The following TNNI3K variants were observed in gnomAD, a reference collection of about 807,000 sequenced individuals.
TNNI3K encodes the protein TNNI3 interacting kinase.
Under a neutral mutation model 114.5 loss-of-function variants are expected in TNNI3K, and 140 were observed. That is an observed-to-expected ratio of 1.22 (90% confidence interval 1.07 to 1.41). The LOEUF is 1.41. Among genes scored for constraint, TNNI3K ranks in the 40% most tolerant of loss-of-function variants. The probability of loss-of-function intolerance (pLI) is 0.00; values close to 1 mark genes in which losing one functional copy is unlikely to be tolerated. For missense variants in TNNI3K, 1,125 were observed against 1,007.6 expected (o/e 1.12, Z -1.58); for synonymous variants, 347 against 347.5 (o/e 1.00, Z 0.02).
chr1:74,421,523 T>C (rs569806659), intron 17 of TNNI3K, among the ~76,000 whole-genome samples: 1 of 152,264 alleles, frequency 6.6e-6, no homozygotes, highest in South Asian at 2.1e-4. Flanking sequence ...TATTTATTGG[T>C]AGAGCTGTGG....
chr1:74,425,687 A>T (rs770150787), intron 17 of TNNI3K, among the ~76,000 whole-genome samples: 1 of 152,132 alleles, frequency 6.6e-6, no homozygotes, highest in Non-Finnish European at 1.5e-5. Context: ...GAAAGCCGGG[A>T]TGAGAAGAAA....
chr1:74,517,871 T>A (rs1230593205), intron 23 of TNNI3K, among the ~76,000 whole-genome samples: 1 of 152,140 alleles, frequency 6.6e-6, no homozygotes, highest in Non-Finnish European at 1.5e-5. Context: ...GCAGGTCTGA[T>A]GTAGAGTGAA....
intron 21 of TNNI3K, among the ~76,000 whole-genome samples, chr1:74,474,857 C>T (rs1668112034): frequency 6.6e-6 from 1 of 151,954 alleles, no homozygotes; most frequent in Non-Finnish European, 1.5e-5. Flanking sequence ...GAATCACTAG[C>T]ATTAGAGGGC....
chr1:74,350,554 T>G (rs576860856), intron 9 of TNNI3K, among the ~76,000 whole-genome samples: 1 of 152,270 alleles, frequency 6.6e-6, no homozygotes, highest in South Asian at 2.1e-4. Context: ...ATCTGTCTAA[T>G]GTTGAGTGGG....
chr1:74,252,751 G>A (rs1346732135), intron 4 of TNNI3K, among the ~76,000 whole-genome samples: 4 of 152,038 alleles, frequency 2.6e-5, no homozygotes, highest in Non-Finnish European at 2.9e-5. Context: ...TCGTGGTCTC[G>A]CTGGCTTCAG....
chr1:74,293,781 T>C (rs1327995321), intron 5 of TNNI3K, among the ~76,000 whole-genome samples: 2 of 151,746 alleles, frequency 1.3e-5, no homozygotes, highest in Non-Finnish European at 3.0e-5. Context: ...AAATTATATT[T>C]CAGCATTAGC....
intron 17 of TNNI3K, chr1:74,416,457 T>C (rs1570593914): frequency 1.5e-5 from 14 of 965,266 alleles, no homozygotes; most frequent in Non-Finnish European, 1.6e-5. Context: ...CTAGAAGTTA[T>C]TGGAGTAGAT....
rs369722068 is a variant in TNNI3K at position 74,540,295 on chromosome 1, A to C, written c.2413A>C (p.Thr805Pro). Residue 805 changes from threonine (T) to proline (P), a missense_variant, in exon 24 of 25, where the codon ACA becomes CCA. Coordinates refer to ENST00000326637, the MANE Select transcript of TNNI3K (RefSeq NM_015978.3). Reference protein sequence around the residue: ...LEEMKRSLQYTPIDKYGYVSD... With the variant: ...LEEMKRSLQYPPIDKYGYVSD... ...GGAGATGAAAAGAAGTCTTCAATAC[A>C]CACCCATTGACAAATATGGTAAGTA... 1 of 1,611,884 alleles carries C rather than the reference A, an allele frequency of 6.2e-7. No homozygotes were observed. Among genetic ancestry groups the C allele is most frequent in the Non-Finnish European group, 8.5e-7 (1 of 1,178,748 alleles).
Position 74,249,475 on chromosome 1 carries a change from A to T in TNNI3K, c.166A>T (p.Ser56Cys), listed in dbSNP as rs201179498. ...TTTTTTCAGCTCTGATGAAGCCTTC[A>T]GTAAAGTCAATTTAAATTACCGCAC... ...RNIFGSDEAFSKVNLNYRTEN... is the reference protein window; with the variant it reads ...RNIFGSDEAFCKVNLNYRTEN... The change falls in exon 3 of 25, where the codon AGT becomes TGT. Residue 56 changes from serine to cysteine, a missense_variant. Ser to Cys is a moderately radical substitution (Grantham distance 112). Coordinates refer to ENST00000326637, the MANE Select transcript of TNNI3K (RefSeq NM_015978.3). The T allele has an allele frequency of 8.1e-6, 13 of 1,613,436 alleles. No homozygotes were observed. Among genetic ancestry groups the T allele is most frequent in the African/African-American group, 5.3e-5 (4 of 74,884 alleles).
At chr1:74,375,798 T>G (rs1662875634) in intron 17 of TNNI3K, 1 of 334,696 alleles carries the variant, frequency 3.0e-6, no homozygotes, top group Non-Finnish European at 6.1e-6. Context: ...AATAACACTC[T>G]TCTCTCCTGT....
chr1:74,374,140 A>G (rs1662753812), intron 17 of TNNI3K: 1 of 151,926 alleles, frequency 6.6e-6, no homozygotes, highest in Non-Finnish European at 1.5e-5. Context: ...CATCTTCAGT[A>G]CAGACACAAT....
chr1:74,534,090 C>T (rs1238469257), intron 23 of TNNI3K, among the ~76,000 whole-genome samples: 1 of 152,086 alleles, frequency 6.6e-6, no homozygotes, highest in Non-Finnish European at 1.5e-5. Flanking sequence ...ACAAGCTAAT[C>T]GATAGAAAAG....
At chr1:74,543,825 C>A in intron 24 of TNNI3K, 81 bp from the exon 25 acceptor site, 1 of 1,538,532 alleles carries the variant, frequency 6.5e-7, no homozygotes, top group Non-Finnish European at 8.9e-7. Flanking sequence ...GGAAGACCTG[C>A]CTGGTTCAGG....
At chr1:74,531,076 A>G (rs1646576375) in intron 23 of TNNI3K, among the ~76,000 whole-genome samples, 1 of 152,230 alleles carries the variant, frequency 6.6e-6, no homozygotes, top group Non-Finnish European at 1.5e-5. Context: ...AAGCAGAACC[A>G]TGACCTGGTT....
intron 17 of TNNI3K, among the ~76,000 whole-genome samples, chr1:74,427,935 G>C (rs1056467213): frequency 5.4e-5 from 8 of 149,044 alleles, no homozygotes; most frequent in Non-Finnish European, 1.2e-4. Context: ...TAAGTGAAGA[G>C]TATGAGGTTT....
At chr1:74,491,019 G>A (rs1669043645) in intron 22 of TNNI3K, among the ~76,000 whole-genome samples, 1 of 152,176 alleles carries the variant, frequency 6.6e-6, no homozygotes, top group South Asian at 2.1e-4. Context: ...GATATGATTA[G>A]TCTTGTTCTG....
rs1662473794 is a variant in TNNI3K, at chr1:74,369,439, C to T, written c.1521C>T (p.Cys507=). 7 of 1,612,014 alleles carry T rather than the reference C, an allele frequency of 4.3e-6. No individual in the cohort carries two copies. The East Asian group carries it at 1.6e-4, about 36-fold the overall frequency. Residue 507 remains cysteine, a synonymous_variant, in exon 16 of 25, where the codon TGC becomes TGT. Coordinates refer to ENST00000326637, the MANE Select transcript of TNNI3K (RefSeq NM_015978.3). ...CCAAGTCAGATGTGGATATGTTTTG[C>T]CGAGAGGTGTCCATTCTCTGCCAGC... is the stretch of plus-strand genomic sequence containing the variant. ...YCSKSDVDMF[C]REVSILCQLN... is the part of the protein sequence containing the mutation.
intron 23 of TNNI3K, among the ~76,000 whole-genome samples, chr1:74,512,825 A>C (rs1670294848): frequency 6.6e-6 from 1 of 152,132 alleles, no homozygotes; most frequent in South Asian, 2.1e-4. Context: ...TATTCTTCAA[A>C]ATGGGCACCC....
chr1:74,332,672 TTAA>T (rs1660268148), intron 6 of TNNI3K, among the ~76,000 whole-genome samples: 1 of 152,092 alleles, frequency 6.6e-6, no homozygotes, highest in Admixed American at 6.6e-5. Flanking sequence ...TCATGCGCTA[TTAA>T]TAATAAATAG....
Sources: gnomAD v4.1 joint callset for allele counts (sites outside exome capture counted in the v4.1 genomes callset) on GRCh38, gnomAD v4.1.1 for gene constraint, MANE v1.5 for transcripts, NCBI Gene and HGNC (gene_info 2026-07-23, HGNC 2026-07-21) for gene names.